DNM1: variants seen among roughly 807,000 people sequenced by gnomAD.
The protein encoded by DNM1 is dynamin-1.
In DNM1, 29 loss-of-function variants were observed where a neutral mutation model predicts 104.6. That is an observed-to-expected ratio of 0.28 (90% confidence interval 0.21 to 0.38). DNM1 has a LOEUF of 0.38. Among genes scored for constraint, DNM1 ranks in the 10% least tolerant of loss-of-function variants. The pLI is 1.00. For missense variants in DNM1, 640 were observed against 1,189.4 expected (o/e 0.54, Z 6.79); for synonymous variants, 445 against 475.8 (o/e 0.94, Z 0.84).
rs759079310 is a variant in DNM1, at chr9:128,246,477, C to T, written c.1755C>T (p.Ile585=). 16 of 1,614,052 alleles carry T rather than the reference C, an allele frequency of 9.9e-6. No homozygotes were observed. In the South Asian group the frequency reaches 1.8e-4, roughly 18 times the overall value. Residue 585 remains isoleucine (I), a synonymous_variant, in exon 16 of 22, where the codon ATC becomes ATT. Coordinates refer to ENST00000372923, the MANE Select transcript of DNM1 (RefSeq NM_004408.4). ...VEKGFMSSKH[I]FALFNTEQRN... ...AGGGCTTTATGTCGAGCAAGCATATCTTTGCCCTCTTTAACACGGAGCAGA... is the reference window on the plus strand; with the variant it reads ...AGGGCTTTATGTCGAGCAAGCATATTTTTGCCCTCTTTAACACGGAGCAGA...
intron 10 of DNM1, among the ~76,000 whole-genome samples, chr9:128,225,644 T>C (rs1236645712): frequency 6.6e-6 from 1 of 152,136 alleles, no homozygotes; most frequent in East Asian, 1.9e-4. Flanking sequence ...CCCAAGGCTG[T>C]GGACAAAGAC....
In DNM1 at chr9:128,247,515, C is replaced by A. The variant is rs200805453; in HGVS notation, c.1893+29C>A. 24 of 1,536,246 alleles carry A rather than the reference C, an allele frequency of 1.6e-5. No individual in the cohort carries two copies. The highest frequency in any genetic ancestry group is 2.2e-5 in the Non-Finnish European group (24 of 1,115,468). Reference sequence around the variant, plus strand: ...AGTGGCAGGGCAAGGAGAGGAAGGGCAAGCATGATCCTAGGGCCCCTGGGG... The same window carrying A: ...AGTGGCAGGGCAAGGAGAGGAAGGGAAAGCATGATCCTAGGGCCCCTGGGG... On this transcript the variant is annotated intron_variant, in intron 17 of 21. Transcript: ENST00000372923. The surrounding 1 kb of genome is among the most constrained non-coding windows in gnomAD (Gnocchi z 5.1).
At chr9:128,225,934 C>G (rs952102092) in intron 10 of DNM1, 99 of 1,058,346 alleles carry the variant, frequency 9.4e-5, no homozygotes, top group Middle Eastern at 5.9e-4. Context: ...CCGTGCCATC[C>G]TCTCCACCCC....
chr9:128,242,731 G>T (rs961394543), intron 15 of DNM1, among the ~76,000 whole-genome samples: 5 of 152,172 alleles, frequency 3.3e-5, no homozygotes, highest in Admixed American at 1.3e-4. Context: ...TTGCACTCCA[G>T]CCTGGGCAAC....
chr9:128,223,570 C>T (rs1835148435), intron 9 of DNM1: 1 of 152,174 alleles, frequency 6.6e-6, no homozygotes, highest in Non-Finnish European at 1.5e-5. Flanking sequence ...CTGGCCAATT[C>T]ACAGAAAAAA....
rs1453398707 is a variant in DNM1 at position 128,224,044 on chromosome 9, G to A, written c.1197-207G>A. On this transcript the variant is annotated intron_variant, in intron 9 of 21. Coordinates refer to ENST00000372923, the MANE Select transcript of DNM1 (RefSeq NM_004408.4). This position sits in a 1 kb window ranked among gnomAD's most constrained non-coding sequence, Gnocchi z 4.3. ...AGCCTGGGCGACAGAGCAAGACTCC[G>A]TCTCAAAAAAAATAACAACAACAAC... is the stretch of plus-strand genomic sequence containing the variant. The A allele has an allele frequency of 8.6e-5, 49 of 567,174 alleles. No homozygotes were observed. Among genetic ancestry groups the A allele is most frequent in the African/African-American group, 4.4e-4 (23 of 52,130 alleles). 35.1% of individuals were successfully genotyped at this position (567,174 alleles called of 1,614,324 possible).
chr9:128,220,711 G>A lies in DNM1; in HGVS notation c.849+370G>A, dbSNP rs1376824264. ...CAGGACTTTTCTCCATCTGGAATGGGGCATCCAGAACTGAAGTGCGCGCGC... is the reference window on the plus strand; with the variant it reads ...CAGGACTTTTCTCCATCTGGAATGGAGCATCCAGAACTGAAGTGCGCGCGC... On this transcript the variant is annotated intron_variant, in intron 6 of 21. Coordinates refer to ENST00000372923, the MANE Select transcript of DNM1 (RefSeq NM_004408.4). This position sits in a 1 kb window ranked among gnomAD's most constrained non-coding sequence, Gnocchi z 5.2. 6.8e-6 allele frequency among the ~76,000 whole-genome samples: 1 copy of A among 146,250 alleles called. No individual in the cohort carries two copies. Among genetic ancestry groups the A allele is most frequent in the Non-Finnish European group, 1.5e-5 (1 of 66,100 alleles).
chr9:128,250,297 C>G lies in DNM1; in HGVS notation c.2259C>G (p.Pro753=). 6.2e-7 allele frequency: 1 copy of G among 1,610,848 alleles called. No individual in the cohort carries two copies. The highest frequency in any genetic ancestry group is 8.5e-7 in the Non-Finnish European group (1 of 1,178,626). Residue 753 remains proline (P), a synonymous_variant, in exon 20 of 22, where the codon CCC becomes CCG. Coordinates refer to ENST00000372923, the MANE Select transcript of DNM1 (RefSeq NM_004408.4). The part of the protein sequence containing the change: ...GDINTTTVST[P]MPPPVDDSWL... The stretch of plus-strand genomic sequence containing the variant: ...TCAACACGACCACCGTCAGCACGCC[C>G]ATGCCCCCGCCCGTGGACGACTCCT...
chr9:128,244,897 A>C (rs536061513), intron 15 of DNM1: 1 of 414,906 alleles, frequency 2.4e-6, no homozygotes. Flanking sequence ...AGATCCGAGA[A>C]CCCCCCAACC....
rs749564973 is a variant in DNM1 at position 128,234,065 on chromosome 9, G to C, written c.1380G>C (p.Val460=). The change falls in exon 11 of 22, where the codon GTG becomes GTC. Residue 460 remains valine, a synonymous_variant. Transcript: ENST00000372923. ...PRLREEMERI[V]TTHIREREGR... ...TACGGGAGGAGATGGAGCGCATCGT[G>C]ACCACCCACATCCGGGAGCGCGAGG... The C allele has an allele frequency of 1.6e-5, 25 of 1,579,418 alleles. No individual in the cohort carries two copies. In the East Asian group the frequency reaches 5.6e-4, roughly 36 times the overall value.
Position 128,254,897 on chromosome 9 carries a change from T to C in DNM1, c.*183T>C, listed in dbSNP as rs1829759123. On this transcript the variant is annotated 3_prime_UTR_variant, in exon 22 of 22. Transcript: ENST00000372923. This position sits in a 1 kb window ranked among gnomAD's most constrained non-coding sequence, Gnocchi z 6.1. ...GTGAAAACTTGTGCCCCTTCTGTGG[T>C]ATGCCCTTGCCCTGTTCTATAAATA... The C allele has an allele frequency of 1.7e-6, 1 of 601,852 alleles. No homozygotes were observed. The allele number at this position is 601,852 out of a possible 1,614,324, so 37.3% of individuals were successfully genotyped here.
Position 128,211,491 on chromosome 9 carries a change from T to C in DNM1, c.162-6740T>C, listed in dbSNP as rs981656560. The stretch of plus-strand genomic sequence containing the variant: ...AAGCCTCTTTTTTTTTTTTTTTTTT[T>C]TTTTTTTCTGTACAGACAGGGTCTT... On this transcript the variant is annotated intron_variant, in intron 1 of 21. Transcript: ENST00000372923. 4.2e-5 allele frequency among the ~76,000 whole-genome samples: 6 copies of C among 143,840 alleles called. No homozygotes were observed. In the East Asian group the frequency reaches 1.3e-3, roughly 30 times the overall value. The allele number at this position is 143,840 out of a possible 152,430, so 94.4% of individuals were successfully genotyped here. A position where few individuals can be genotyped will look rare whatever the true frequency, so the allele number is the denominator to read the frequency against.
Position 128,243,565 on chromosome 9 carries a change from C to T in DNM1, c.1671+1220C>T, listed in dbSNP as rs1836534381. 1.3e-5 allele frequency among the ~76,000 whole-genome samples: 2 copies of T among 152,204 alleles called. No homozygotes were observed. Among genetic ancestry groups the T allele is most frequent in the South Asian group, 2.1e-4 (1 of 4,832 alleles). ...CTGGACCTCATTACCCCAACCCTGG[C>T]CTCCCCCACCATGGGGGCCCCTGGA... is the stretch of plus-strand genomic sequence containing the variant. On this transcript the variant is annotated intron_variant, in intron 15 of 21. Transcript: ENST00000372923. This position sits in a 1 kb window ranked among gnomAD's most constrained non-coding sequence, Gnocchi z 4.0.
Position 128,203,421 on chromosome 9 carries a change from C to G in DNM1, c.-50C>G. 3 of 1,399,212 alleles carry G rather than the reference C, an allele frequency of 2.1e-6. No homozygotes were observed. The South Asian group carries it at 4.4e-5, about 21-fold the overall frequency. 86.7% of individuals were successfully genotyped at this position (1,399,212 alleles called of 1,614,324 possible). Reference sequence around the variant, plus strand: ...GCAGCGGCGGAGCCGGAGTCGGAGCCGGGAGCGCTAGCGGCAGCCGGATCG... The same window carrying G: ...GCAGCGGCGGAGCCGGAGTCGGAGCGGGGAGCGCTAGCGGCAGCCGGATCG... On this transcript the variant is annotated 5_prime_UTR_variant, in exon 1 of 22. Transcript: ENST00000372923. The surrounding 1 kb of genome is among the most constrained non-coding windows in gnomAD (Gnocchi z 5.3).
chr9:128,220,742 C>CGCGCGCGCGTGTGTGT lies in DNM1; in HGVS notation c.849+402_849+403insCGCGCGCGTGTGTGTG, dbSNP rs61020870. 6.6e-5 allele frequency among the ~76,000 whole-genome samples: 9 copies of CGCGCGCGCGTGTGTGT among 136,362 alleles called. No individual in the cohort carries two copies. Among genetic ancestry groups the CGCGCGCGCGTGTGTGT allele is most frequent in the African/African-American group, 1.3e-4 (5 of 37,808 alleles). 89.5% of individuals were successfully genotyped at this position (136,362 alleles called of 152,430 possible). On this transcript the variant is annotated intron_variant, in intron 6 of 21. Transcript: ENST00000372923. The surrounding 1 kb of genome is among the most constrained non-coding windows in gnomAD (Gnocchi z 5.2). ...CAGAACTGAAGTGCGCGCGCGCGCG[C>CGCGCGCGCGTGTGTGT]GTGTGTGTGTGTGTGTGTGTGTGTG...
intron 10 of DNM1, chr9:128,226,140 G>A (rs752048445): frequency 1.9e-6 from 3 of 1,612,890 alleles, no homozygotes; most frequent in Admixed American, 1.7e-5. Context: ...TAGTCAGTGA[G>A]CTCACAGCCA....
intron 10 of DNM1, among the ~76,000 whole-genome samples, chr9:128,229,234 T>C (rs967702903): frequency 7.8e-5 from 11 of 140,870 alleles, no homozygotes; most frequent in African/African-American, 3.0e-4. Context: ...TCTACAAAAT[T>C]TTTTTTTTTA....
rs1373940320 is a variant in DNM1, at chr9:128,220,925, CTTTCTTTCT to C, written c.849+592_849+600del. Among the ~76,000 whole-genome samples, 9 of 131,768 alleles carry C rather than the reference CTTTCTTTCT, an allele frequency of 6.8e-5. No homozygotes were observed. Among genetic ancestry groups the C allele is most frequent in the South Asian group, 2.3e-4 (1 of 4,320 alleles). The allele number at this position is 131,768 out of a possible 152,430, so 86.4% of individuals were successfully genotyped here. A position where few individuals can be genotyped will look rare whatever the true frequency, so the allele number is the denominator to read the frequency against. Reference sequence around the variant, plus strand: ...TCTTTCTTTCTTTCTTTCTTTCTTTCTTTCTTTCTTTTCTTTTCTTTCTTTCTTTCCTTT... The same window carrying C: ...TCTTTCTTTCTTTCTTTCTTTCTTTCTTTCTTTTCTTTCTTTCTTTCCTTT... On this transcript the variant is annotated intron_variant, in intron 6 of 21. Coordinates refer to ENST00000372923, the MANE Select transcript of DNM1 (RefSeq NM_004408.4). This position sits in a 1 kb window ranked among gnomAD's most constrained non-coding sequence, Gnocchi z 5.2.
At chr9:128,209,818 TTCTGGGGCA>T (rs1834183337) in intron 1 of DNM1, among the ~76,000 whole-genome samples, 2 of 152,146 alleles carry the variant, frequency 1.3e-5, no homozygotes, top group Admixed American at 6.6e-5. Context: ...TGAGAGGGAA[TTCTGGGGCA>T]TCTGAGCGTA....
Sources: allele counts gnomAD v4.1 joint callset (sites outside exome capture counted in the v4.1 genomes callset), GRCh38; gene constraint gnomAD v4.1.1; non-coding constraint Gnocchi (gnomAD v3.1); transcripts MANE v1.5; gene names NCBI Gene and HGNC (gene_info 2026-07-23, HGNC 2026-07-21).